Variants in EXT2 observed in about 807,000 individuals in gnomAD.
EXT2 encodes the protein exostosin glycosyltransferase 2.
Under a neutral mutation model 81.6 loss-of-function variants are expected in EXT2, and 53 were observed. That is an observed-to-expected ratio of 0.65 (90% CI 0.52 to 0.82). The LOEUF is 0.82. Among genes scored for constraint, EXT2 ranks in the 40% least tolerant of loss-of-function variants. EXT2 has a pLI of 0.00. For synonymous variants in EXT2, 320 were observed against 340.0 expected (o/e 0.94, Z 0.65); for missense variants, 774 against 910.2 (o/e 0.85, Z 1.93).
rs1955246709 is a variant in EXT2, at chr11:44,182,296, C to A, written c.1305+10554C>A. ...CAGGGAGATGGTTGGCCTGTGAGTG[C>A]TAAGTTTAAGGGATCTTGAGACCAA... On this transcript the variant is annotated intron_variant, in intron 8 of 13. Transcript: ENST00000533608. Among the ~76,000 whole-genome samples, 3 of 152,168 alleles carry A rather than the reference C, an allele frequency of 2.0e-5. No homozygotes were observed. In the South Asian group the frequency reaches 6.2e-4, roughly 32 times the overall value.
In EXT2 at chr11:44,171,631, G is replaced by C; in HGVS notation, c.1194G>C (p.Ala398=). ...MQRQARWFWE[A]YFQSIKAIAL... ...TATAGGCCCGGTGGTTCTGGGAAGC[G>C]TACTTCCAGTCAATTAAAGCCATTG... The change falls in exon 8 of 14, where the codon GCG becomes GCC. Residue 398 remains alanine, a synonymous_variant. Coordinates refer to ENST00000533608, the MANE Select transcript of EXT2 (RefSeq NM_207122.2). 1 of 1,614,040 alleles carries C rather than the reference G, an allele frequency of 6.2e-7. No homozygotes were observed. Among genetic ancestry groups the C allele is most frequent in the Non-Finnish European group, 8.5e-7 (1 of 1,180,008 alleles).
In EXT2 at chr11:44,247,875, G is replaced by A. The variant is rs1318548581; in HGVS notation, c.*3588G>A. Among the ~76,000 whole-genome samples, 1 of 152,216 alleles carries A rather than the reference G, an allele frequency of 6.6e-6. No homozygotes were observed. Among genetic ancestry groups the A allele is most frequent in the African/African-American group, 2.4e-5 (1 of 41,444 alleles). On this transcript the variant is annotated 3_prime_UTR_variant, in exon 14 of 14. Transcript: ENST00000533608. ...CGTCTTTATCACTGAAAGATAGCACGTTTCTAGCCACAGGTTCTGAAGTTG... is the reference window on the plus strand; with the variant it reads ...CGTCTTTATCACTGAAAGATAGCACATTTCTAGCCACAGGTTCTGAAGTTG...
intron 10 of EXT2, among the ~76,000 whole-genome samples, chr11:44,229,378 T>C (rs1423086697): frequency 2.6e-5 from 4 of 152,222 alleles, no homozygotes; most frequent in Non-Finnish European, 5.9e-5. Context: ...GATTCATTTG[T>C]CTGCAGCTAT....
chr11:44,152,771 AT>A (rs1187199361), intron 7 of EXT2, among the ~76,000 whole-genome samples: 1 of 152,132 alleles, frequency 6.6e-6, no homozygotes, highest in Non-Finnish European at 1.5e-5. Flanking sequence ...TTTCAGCACC[AT>A]TTGTGGAAAG....
chr11:44,107,964 T>C lies in EXT2; in HGVS notation c.252T>C (p.Ser84=), dbSNP rs1463030663. The C allele has an allele frequency of 1.9e-6, 3 of 1,614,258 alleles. No homozygotes were observed. The highest frequency in any genetic ancestry group is 2.5e-6 in the Non-Finnish European group (3 of 1,180,042). Residue 84 remains serine (S), a synonymous_variant, in exon 2 of 14, where the codon AGT becomes AGC. Transcript: ENST00000533608. ...DSPIPERGDL[S]CRMHTCFDVY... is the part of the protein sequence containing the mutation. ...CCATCCCAGAGCGGGGGGATCTCAG[T>C]TGCAGAATGCACACGTGTTTTGATG...
At chr11:44,162,045 G>T (rs369828056) in intron 7 of EXT2, among the ~76,000 whole-genome samples, 2 of 152,162 alleles carry the variant, frequency 1.3e-5, no homozygotes, top group African/African-American at 4.8e-5. Context: ...TTAGATCCTG[G>T]AACAGAAAAA....
chr11:44,173,563 C>CTTTTTTTTTTTTTTTTTTTTT (rs66702988), intron 8 of EXT2, among the ~76,000 whole-genome samples: 30 of 100,072 alleles, frequency 3.0e-4, no homozygotes, highest in African/African-American at 4.5e-4. Flanking sequence ...TTCTTTCTTT[C>CTTTTTTTTTTTTTTTTTTTTT]TTTTTTTTTT....
chr11:44,100,610 A>G (rs965930671), intron 1 of EXT2, among the ~76,000 whole-genome samples: 6 of 152,230 alleles, frequency 3.9e-5, no homozygotes, highest in Non-Finnish European at 8.8e-5. Flanking sequence ...TCAGCCAGAC[A>G]TGAACTCAGG....
chr11:44,246,589 T>G lies in EXT2; in HGVS notation c.*2302T>G, dbSNP rs560163544. ...GATCTTGCAACACAGCATAAAACAA[T>G]TTATGTTAAAGAAGGAGCATTATAT... On this transcript the variant is annotated 3_prime_UTR_variant, in exon 14 of 14. Coordinates refer to ENST00000533608, the MANE Select transcript of EXT2 (RefSeq NM_207122.2). Among the ~76,000 whole-genome samples, 1 of 152,206 alleles carries G rather than the reference T, an allele frequency of 6.6e-6. No homozygotes were observed. Among genetic ancestry groups the G allele is most frequent in the African/African-American group, 2.4e-5 (1 of 41,520 alleles).
chr11:44,121,121 G>A (rs1031695601), intron 4 of EXT2, among the ~76,000 whole-genome samples: 15 of 152,212 alleles, frequency 9.9e-5, no homozygotes, highest in African/African-American at 2.4e-4. Flanking sequence ...GAAGGCGCAC[G>A]TGGAATGTTC....
At chr11:44,110,010 T>C (rs1954120494) in intron 3 of EXT2, among the ~76,000 whole-genome samples, 1 of 152,162 alleles carries the variant, frequency 6.6e-6, no homozygotes, top group Non-Finnish European at 1.5e-5. Flanking sequence ...AAGTAGAAAG[T>C]TGGGGCGCAA....
In EXT2 at chr11:44,157,642, C is replaced by T. The variant is rs570730380; in HGVS notation, c.1174-13969C>T. Among the ~76,000 whole-genome samples the T allele has an allele frequency of 5.3e-5, 8 of 152,266 alleles. No homozygotes were observed. The East Asian group carries it at 7.7e-4, about 15-fold the overall frequency. The stretch of plus-strand genomic sequence containing the variant: ...TCGGGGCAGCAGTCTCCCCTCTGGC[C>T]CAGGGTGAGTCTAGAAACGCCATCC... On this transcript the variant is annotated intron_variant, in intron 7 of 13. Transcript: ENST00000533608.
At chr11:44,178,664 G>A (rs573301689) in intron 8 of EXT2, among the ~76,000 whole-genome samples, 2 of 152,156 alleles carry the variant, frequency 1.3e-5, no homozygotes, top group South Asian at 2.1e-4. Context: ...AAGATACCAG[G>A]TTAACAGTCT....
rs529723141 is a variant in EXT2, at chr11:44,246,805, GGTCAGGATCATCT to G, written c.*2522_*2534del. Among the ~76,000 whole-genome samples, 11 of 152,326 alleles carry G rather than the reference GGTCAGGATCATCT, an allele frequency of 7.2e-5. No homozygotes were observed. The East Asian group carries it at 2.1e-3, about 29-fold the overall frequency. On this transcript the variant is annotated 3_prime_UTR_variant, in exon 14 of 14. Transcript: ENST00000533608. ...CCAGCAAACCTCACCCATAAGCTTA[GGTCAGGATCATCT>G]GTCCTCGGGATGCCATAGAGCCTGG...
At chr11:44,195,664 A>T (rs1357070902) in intron 8 of EXT2, among the ~76,000 whole-genome samples, 1 of 152,126 alleles carries the variant, frequency 6.6e-6, no homozygotes. Context: ...AAAGTTGGTG[A>T]TGGGTGTCCA....
Position 44,207,563 on chromosome 11 carries a change from T to C in EXT2, c.1662+604T>C, listed in dbSNP as rs1431164375. 2.0e-5 allele frequency among the ~76,000 whole-genome samples: 3 copies of C among 152,124 alleles called. No individual in the cohort carries two copies. In the East Asian group the frequency reaches 5.8e-4, roughly 29 times the overall value. Reference sequence around the variant, plus strand: ...AAAAGCAATAGGAATTGATGGGCCCTGTCAGGGTGTACGTGAGATGCATGA... The same window carrying C: ...AAAAGCAATAGGAATTGATGGGCCCCGTCAGGGTGTACGTGAGATGCATGA... On this transcript the variant is annotated intron_variant, in intron 10 of 13. Coordinates refer to ENST00000533608, the MANE Select transcript of EXT2 (RefSeq NM_207122.2).
In EXT2 at chr11:44,246,011, T is replaced by G. The variant is rs115458936; in HGVS notation, c.*1724T>G. Among the ~76,000 whole-genome samples, 459 of 152,306 alleles carry G rather than the reference T, an allele frequency of 3.0e-3. 2 individuals carry two copies. The highest frequency in any genetic ancestry group is 0.011 in the African/African-American group (439 of 41,564). On this transcript the variant is annotated 3_prime_UTR_variant, in exon 14 of 14. Coordinates refer to ENST00000533608, the MANE Select transcript of EXT2 (RefSeq NM_207122.2). ...CAGGTGCTTACCAAATACTTTTGAT[T>G]TGGGTAATGTGTACTGGTCAGTAGG...
Position 44,124,877 on chromosome 11 carries a change from G to A in EXT2, c.832G>A (p.Glu278Lys), listed in dbSNP as rs117329700. The A allele has an allele frequency of 2.0e-5, 32 of 1,614,176 alleles. No individual in the cohort carries two copies. The highest frequency in any genetic ancestry group is 1.8e-4 in the East Asian group (8 of 44,882). The change falls in exon 5 of 14, where the codon GAG becomes AAG. Residue 278 changes from glutamate to lysine, a missense_variant. Physicochemically the swap from Glu to Lys is moderately conservative, Grantham distance 56. Transcript: ENST00000533608. ...AGAAGCCCTCCAGGTCAAACATGGA[G>A]AGTCAGTGTTAGTACTCGATAAATG... ...DLEALQVKHG[E>K]SVLVLDKCTN... is the part of the protein sequence containing the mutation.
At chr11:44,099,993 T>A (rs1437452405) in intron 1 of EXT2, among the ~76,000 whole-genome samples, 1 of 152,192 alleles carries the variant, frequency 6.6e-6, no homozygotes, top group African/African-American at 2.4e-5. Context: ...AGTTTACGTG[T>A]CTGAGGGCAT....
Sources: allele counts gnomAD v4.1 joint callset (sites outside exome capture counted in the v4.1 genomes callset), GRCh38; gene constraint gnomAD v4.1.1; transcripts MANE v1.5; gene names NCBI Gene and HGNC (gene_info 2026-07-23, HGNC 2026-07-21).